Variants in CNTN4 observed in about 807,000 individuals in gnomAD.
CNTN4 encodes the protein contactin 4, also known as contactin-4.
A neutral mutation model predicts 122.5 loss-of-function variants in CNTN4; 77 were observed. That is an observed-to-expected ratio of 0.63 (90% confidence interval 0.52 to 0.76). CNTN4 has a LOEUF of 0.76. Ranked by LOEUF, CNTN4 falls within the 30% of genes least tolerant of loss-of-function variation. The pLI, the probability that CNTN4 is intolerant of heterozygous loss-of-function variation, is 0.00. For synonymous variants in CNTN4, 512 were observed against 447.0 expected (o/e 1.15, Z -1.83); for missense variants, 1,256 against 1,259.1 (o/e 1.00, Z 0.04).
At chr3:2,259,851 T>C (rs937658492) in intron 2 of CNTN4, among the ~76,000 whole-genome samples, 2 of 152,146 alleles carry the variant, frequency 1.3e-5, no homozygotes, top group Admixed American at 6.5e-5. Flanking sequence ...CATCCTCGTA[T>C]CTTTGCATTC....
At position 2,830,224 on chromosome 3, in the gene CNTN4, T is replaced by A. The variant is rs980338410; in HGVS notation, c.454+10643T>A. Among the ~76,000 whole-genome samples the A allele has an allele frequency of 7.2e-5, 11 of 152,308 alleles. 3 individuals carry two copies. On this transcript the variant is annotated intron_variant, in intron 7 of 24. Transcript: ENST00000418658. ...TTGTGTGTACTTTAATGATAGGCACTATGTAACTGTATTTGTGGATACACA... is the reference window on the plus strand; with the variant it reads ...TTGTGTGTACTTTAATGATAGGCACAATGTAACTGTATTTGTGGATACACA...
At chr3:2,450,654 C>T (rs2048796430) in intron 3 of CNTN4, among the ~76,000 whole-genome samples, 3 of 152,114 alleles carry the variant, frequency 2.0e-5, no homozygotes, top group Admixed American at 2.0e-4. Flanking sequence ...GAGCCAAATG[C>T]CACTCAAGGT....
At chr3:2,352,533 T>C (rs944683775) in intron 3 of CNTN4, among the ~76,000 whole-genome samples, 11 of 152,268 alleles carry the variant, frequency 7.2e-5, no homozygotes, top group African/African-American at 2.6e-4. Flanking sequence ...GCTTAGCACC[T>C]GGGCCAACGG....
At chr3:2,993,805 T>A (rs1044811629) in intron 14 of CNTN4, among the ~76,000 whole-genome samples, 1 of 152,192 alleles carries the variant, frequency 6.6e-6, no homozygotes, top group South Asian at 2.1e-4. Context: ...CCCCTGCTGA[T>A]CTTGCATGCT....
intron 2 of CNTN4, among the ~76,000 whole-genome samples, chr3:2,235,593 C>G (rs1575140849): frequency 6.6e-6 from 1 of 152,010 alleles, no homozygotes. Flanking sequence ...GTAAGAGGAG[C>G]TTTGCTATCC....
chr3:2,395,692 A>C (rs73804520), intron 3 of CNTN4, among the ~76,000 whole-genome samples: 405 of 152,168 alleles, frequency 2.7e-3, no homozygotes, highest in African/African-American at 8.6e-3. Context: ...AAGTGAGTAC[A>C]TGTGGTATTT....
rs530857967 is a variant in CNTN4 at position 2,313,770 on chromosome 3, TA to T, written c.-144-25406del. On this transcript the variant is annotated intron_variant, in intron 2 of 24. Transcript: ENST00000418658. ...ATTGATACTTTATATGACGCAAACC[TA>T]AGACAATATAGTACTTAAGGAGAAA... is the stretch of plus-strand genomic sequence containing the variant. 7.2e-5 allele frequency among the ~76,000 whole-genome samples: 11 copies of T among 152,048 alleles called. No homozygotes were observed. In the South Asian group the frequency reaches 2.3e-3, roughly 32 times the overall value.
chr3:2,279,676 C>T (rs573369213), intron 2 of CNTN4, among the ~76,000 whole-genome samples: 72 of 151,948 alleles, frequency 4.7e-4, no homozygotes, highest in African/African-American at 1.6e-3. Flanking sequence ...GTTTTTGTAA[C>T]CCAAAATATG....
chr3:2,603,872 A>C (rs2081149801), intron 4 of CNTN4, among the ~76,000 whole-genome samples: 2 of 152,142 alleles, frequency 1.3e-5, no homozygotes. Flanking sequence ...ACCCTTTCTG[A>C]AATTTCCCTG....
intron 4 of CNTN4, among the ~76,000 whole-genome samples, chr3:2,595,422 T>C (rs1163972409): frequency 3.3e-5 from 5 of 152,178 alleles, no homozygotes; most frequent in African/African-American, 9.7e-5. Flanking sequence ...TGTCAAGATT[T>C]AACAATGAGA....
chr3:2,941,992 C>T (rs2094620847), intron 13 of CNTN4, among the ~76,000 whole-genome samples: 1 of 152,166 alleles, frequency 6.6e-6, no homozygotes, highest in Non-Finnish European at 1.5e-5. Flanking sequence ...TTGCATTTTT[C>T]TGAATTTGTA....
In CNTN4 at chr3:3,043,284, T is replaced by C; in HGVS notation, c.2698+121T>C. The C allele has an allele frequency of 3.0e-6, 3 of 992,812 alleles. No homozygotes were observed. In the South Asian group the frequency reaches 4.1e-5, roughly 14 times the overall value. The allele number at this position is 992,812 out of a possible 1,614,324, so 61.5% of individuals were successfully genotyped here. A position where few individuals can be genotyped will look rare whatever the true frequency, so the allele number is the denominator to read the frequency against. ...AATTAGTAGCATGTGGATTCAAATT[T>C]CCCTCAGCATTTTAACTGAACCTTT... On this transcript the variant is annotated intron_variant, in intron 22 of 24. Transcript: ENST00000418658.
In CNTN4 at chr3:2,588,121, T is replaced by TA. The variant is rs1328748840; in HGVS notation, c.55+16565dup. 3.3e-5 allele frequency among the ~76,000 whole-genome samples: 5 copies of TA among 152,260 alleles called. No homozygotes were observed. In the East Asian group the frequency reaches 9.6e-4, roughly 29 times the overall value. On this transcript the variant is annotated intron_variant, in intron 4 of 24. Coordinates refer to ENST00000418658, the MANE Select transcript of CNTN4 (RefSeq NM_175607.3). ...TTTATCACAGCAGTATCACTTGTTATAAGTAAAAAGTAGCCGTAAAGATAA... is the reference window on the plus strand; with the variant it reads ...TTTATCACAGCAGTATCACTTGTTATAAAGTAAAAAGTAGCCGTAAAGATAA...
chr3:2,233,381 C>T lies in CNTN4; in HGVS notation c.-144-105797C>T, dbSNP rs74833345. On this transcript the variant is annotated intron_variant, in intron 2 of 24. Coordinates refer to ENST00000418658, the MANE Select transcript of CNTN4 (RefSeq NM_175607.3). ...GCCTCTACATAACCTCTTAAGTGGT[C>T]GATCAAGAAGCCTTTGCCTGTTTTT... is the stretch of plus-strand genomic sequence containing the variant. Among the ~76,000 whole-genome samples, 1,039 of 152,182 alleles carry T rather than the reference C, an allele frequency of 6.8e-3. 7 individuals carry two copies. Among genetic ancestry groups the T allele is most frequent in the African/African-American group, 0.024 (982 of 41,514 alleles).
chr3:2,531,135 C>T (rs2077580728), intron 3 of CNTN4, among the ~76,000 whole-genome samples: 1 of 152,150 alleles, frequency 6.6e-6, no homozygotes, highest in Non-Finnish European at 1.5e-5. Flanking sequence ...AAACTGCACA[C>T]TATCATTTGT....
intron 10 of CNTN4, among the ~76,000 whole-genome samples, chr3:2,892,498 G>A (rs1036538951): frequency 6.6e-6 from 1 of 152,168 alleles, no homozygotes; most frequent in African/African-American, 2.4e-5. Flanking sequence ...GAATGAGAGC[G>A]CTAAGGCAAT....
chr3:2,876,720 C>T (rs2093848883), intron 8 of CNTN4, among the ~76,000 whole-genome samples: 1 of 152,208 alleles, frequency 6.6e-6, no homozygotes, highest in Non-Finnish European at 1.5e-5. Context: ...TTCTTACAGA[C>T]ATCAGCATCA....
chr3:3,003,556 C>A (rs1411816259), intron 14 of CNTN4, among the ~76,000 whole-genome samples: 1 of 151,632 alleles, frequency 6.6e-6, no homozygotes, highest in African/African-American at 2.4e-5. Context: ...TTTATAGAAA[C>A]AGAAAGTAGA....
At chr3:2,104,227 TAC>T (rs1380767621) in intron 2 of CNTN4, among the ~76,000 whole-genome samples, 2 of 135,368 alleles carry the variant, frequency 1.5e-5, no homozygotes, top group Non-Finnish European at 3.3e-5. Flanking sequence ...CATTTATGTC[TAC>T]GTGTGTGTGT....
Sources: gnomAD v4.1 joint callset for allele counts (sites outside exome capture counted in the v4.1 genomes callset) on GRCh38, gnomAD v4.1.1 for gene constraint, MANE v1.5 for transcripts, NCBI Gene and HGNC (gene_info 2026-07-23, HGNC 2026-07-21) for gene names.